The following DMD variants were observed in gnomAD, a reference collection of about 807,000 sequenced individuals.
DMD encodes the protein mutant dystrophin.
Under a neutral mutation model 330.1 loss-of-function variants are expected in DMD, and 63 were observed. The observed-to-expected ratio is 0.19, with a 90% CI of 0.16 to 0.24. The LOEUF (loss-of-function observed/expected upper bound fraction) is 0.24. DMD is among the 10% of genes least tolerant of loss of function. The probability of loss-of-function intolerance (pLI) is 1.00; values close to 1 mark genes in which losing one functional copy is unlikely to be tolerated. For synonymous variants in DMD, 1,223 were observed against 959.8 expected, an observed-to-expected ratio of 1.27 and a Z score of -5.07; for missense variants, 3,344 against 2,684.1, an observed-to-expected ratio of 1.25 and a Z score of -5.43.
intron 1 of DMD, among the ~76,000 whole-genome samples, chrX:33,069,152 G>A (rs1009777712): frequency 1.6e-4 from 18 of 111,596 alleles, no homozygotes; most frequent in African/African-American, 5.5e-4. Context: ...GCTTGGAAAA[G>A]CAAGCCATTT....
intron 7 of DMD, among the ~76,000 whole-genome samples, chrX:32,753,767 C>A (rs1188472912): frequency 8.9e-6 from 1 of 111,842 alleles, no homozygotes; most frequent in African/African-American, 3.3e-5. Flanking sequence ...AATGTTAGTT[C>A]TCCCTTTCTG....
chrX:33,337,393 T>C (rs2054270130), intron 1 of DMD, among the ~76,000 whole-genome samples: 1 of 111,585 alleles, frequency 9.0e-6, no homozygotes, highest in Non-Finnish European at 1.9e-5. Context: ...AAAATAACCC[T>C]GTAGCATTTG....
At chrX:32,097,766 C>T (rs926648416) in intron 44 of DMD, among the ~76,000 whole-genome samples, 12 of 111,924 alleles carry the variant, frequency 1.1e-4, no homozygotes, top group South Asian at 3.7e-4. Context: ...AAGTCTGTCA[C>T]GTAGGCATTT....
intron 67 of DMD, among the ~76,000 whole-genome samples, chrX:31,203,162 A>G (rs1409615979): frequency 3.7e-5 from 4 of 108,344 alleles, no homozygotes; most frequent in African/African-American, 1.3e-4. Flanking sequence ...GGCGCCTGTA[A>G]TCCCAGCTAC....
intron 59 of DMD, among the ~76,000 whole-genome samples, chrX:31,459,332 G>T (rs961410135): frequency 8.9e-6 from 1 of 112,078 alleles, no homozygotes; most frequent in African/African-American, 3.2e-5. Context: ...AAAAGTAAAT[G>T]AAAGGAAACT....
Position 32,866,706 on chromosome X carries a change from C to A in DMD, c.94-16886G>T, listed in dbSNP as rs973471440. On this transcript the variant is annotated intron_variant, in intron 2 of 78. Transcript: ENST00000357033. Reference sequence around the variant, plus strand: ...AATACAGTGTCAACCTTAATATATACATACACACACTTTTTTTTGGGGGGG... The same window carrying A: ...AATACAGTGTCAACCTTAATATATAAATACACACACTTTTTTTTGGGGGGG... Among the ~76,000 whole-genome samples the A allele has an allele frequency of 2.6e-3, 204 of 78,108 alleles. 7 individuals carry two copies. Among genetic ancestry groups the A allele is most frequent in the African/African-American group, 0.011 (197 of 18,365 alleles). 67.8% of individuals were successfully genotyped at this position (78,108 alleles called of 115,157 possible).
chrX:31,292,261 GAA>G (rs1603305686), intron 62 of DMD, among the ~76,000 whole-genome samples: 1 of 110,661 alleles, frequency 9.0e-6, no homozygotes, highest in Non-Finnish European at 1.9e-5. Flanking sequence ...AGATCAATAA[GAA>G]AAAGAAGGAT....
chrX:32,289,531 G>A (rs918342909), intron 42 of DMD, among the ~76,000 whole-genome samples: 1 of 110,999 alleles, frequency 9.0e-6, no homozygotes, highest in African/African-American at 3.3e-5. Flanking sequence ...GTCACAGGAT[G>A]AGATAAGAGG....
intron 7 of DMD, among the ~76,000 whole-genome samples, chrX:32,762,927 G>A (rs931114267): frequency 8.9e-6 from 1 of 111,923 alleles, no homozygotes; most frequent in African/African-American, 3.2e-5. Context: ...AGGAGGCTAT[G>A]GAATATGATG....
chrX:32,840,800 G>A (rs769615425), intron 4 of DMD, among the ~76,000 whole-genome samples: 1 of 112,150 alleles, frequency 8.9e-6, no homozygotes, highest in African/African-American at 3.2e-5. Context: ...CCCATCATGA[G>A]AATGTATCAT....
At chrX:32,733,225 T>C (rs1205065300) in intron 7 of DMD, among the ~76,000 whole-genome samples, 2 of 111,298 alleles carry the variant, frequency 1.8e-5, no homozygotes, top group African/African-American at 6.6e-5. Flanking sequence ...ATCCTAAATA[T>C]ATATGCACCC....
intron 25 of DMD, among the ~76,000 whole-genome samples, chrX:32,457,453 T>C (rs1361484693): frequency 9.0e-6 from 1 of 110,622 alleles, no homozygotes; most frequent in African/African-American, 3.3e-5. Context: ...CTGATGGGAA[T>C]GATGGGAATG....
chrX:32,901,183 A>C lies in DMD; in HGVS notation c.94-51363T>G, dbSNP rs921842455. Among the ~76,000 whole-genome samples, 3 of 111,715 alleles carry C rather than the reference A, an allele frequency of 2.7e-5. No homozygotes were observed. The Admixed American group carries it at 2.9e-4, about 11-fold the overall frequency. Reference sequence around the variant, plus strand: ...AATAGTAGTAACATGTAATTTTTAAAATTGATAGGAAGTGTATATTATACA... The same window carrying C: ...AATAGTAGTAACATGTAATTTTTAACATTGATAGGAAGTGTATATTATACA... On this transcript the variant is annotated intron_variant, in intron 2 of 78. Coordinates refer to ENST00000357033, the MANE Select transcript of DMD (RefSeq NM_004006.3).
At chrX:32,657,013 G>C (rs940243563) in intron 9 of DMD, among the ~76,000 whole-genome samples, 4 of 88,876 alleles carry the variant, frequency 4.5e-5, no homozygotes, top group Non-Finnish European at 8.0e-5. Context: ...CAACTTATAT[G>C]TGTGTGTGTG....
At chrX:31,530,671 ATTT>A (rs1176859928) in intron 55 of DMD, among the ~76,000 whole-genome samples, 1 of 55,998 alleles carries the variant, frequency 1.8e-5, no homozygotes, top group African/African-American at 7.1e-5. Context: ...TTTTTTTTTA[ATTT>A]TTTTTTTTTT....
Position 31,120,256 on chromosome X carries a change from C to CT in DMD, c.*1662dup, listed in dbSNP as rs766959345. 1 of 112,125 alleles carries CT rather than the reference C, an allele frequency of 8.9e-6. No individual in the cohort carries two copies. The highest frequency in any genetic ancestry group is 1.9e-5 in the Non-Finnish European group (1 of 53,134). 9.2% of individuals were successfully genotyped at this position (112,125 alleles called of 1,213,427 possible). ...GCTTTTCCTCTTGAGCTTTTCTCCT[C>CT]TTTTTTGAGCAATTTTTGTTTGTTT... On this transcript the variant is annotated 3_prime_UTR_variant, in exon 79 of 79. Coordinates refer to ENST00000357033, the MANE Select transcript of DMD (RefSeq NM_004006.3).
chrX:33,336,070 AAAAAATATTGCATATTTTTCTGG>A (rs2054249481), intron 1 of DMD, among the ~76,000 whole-genome samples: 2 of 111,286 alleles, frequency 1.8e-5, no homozygotes, highest in Middle Eastern at 4.6e-3. Flanking sequence ...CCCAGTGAAG[AAAAAATATTGCATATTTTTCTGG>A]AAAAATATTT....
intron 62 of DMD, among the ~76,000 whole-genome samples, chrX:31,290,710 C>G (rs949384751): frequency 4.3e-4 from 48 of 111,849 alleles, no homozygotes; most frequent in African/African-American, 1.6e-3. Context: ...CCACAGCAAT[C>G]TGAATTCCCT....
At chrX:32,252,693 T>TATAAATATATATAAATATATAA (rs2097271616) in intron 43 of DMD, among the ~76,000 whole-genome samples, 1 of 46,458 alleles carries the variant, frequency 2.2e-5, no homozygotes, top group Non-Finnish European at 3.5e-5. Context: ...TAAATATATA[T>TATAAATATATATAAATATATAA]ATAAATATAT....
Sources: gnomAD v4.1 joint callset for allele counts (sites outside exome capture counted in the v4.1 genomes callset) on GRCh38, gnomAD v4.1.1 for gene constraint, MANE v1.5 for transcripts, NCBI Gene and HGNC (gene_info 2026-07-23, HGNC 2026-07-21) for gene names.